Variants in USP28 observed in about 807,000 individuals in gnomAD.
The protein encoded by USP28 is ubiquitin carboxyl-terminal hydrolase 28.
In USP28, 113 loss-of-function variants were observed where a neutral mutation model predicts 145.0. The ratio of observed to expected loss-of-function variants is 0.78; its 90% CI spans 0.67 to 0.91. The LOEUF is 0.91. USP28 is among the 40% of genes least tolerant of loss of function. USP28 has a pLI of 0.00. For synonymous variants in USP28, 447 were observed against 450.9 expected (o/e 0.99, Z 0.11); for missense variants, 1,201 against 1,289.6 (o/e 0.93, Z 1.05).
At chr11:113,861,651 C>A (rs189897391) in intron 1 of USP28, among the ~76,000 whole-genome samples, 3 of 152,284 alleles carry the variant, frequency 2.0e-5, no homozygotes, top group East Asian at 3.9e-4. Flanking sequence ...TTCTTCCCGA[C>A]CTAGTTCTAT....
At chr11:113,807,316 C>T (rs996180034) in intron 18 of USP28, among the ~76,000 whole-genome samples, 2 of 152,112 alleles carry the variant, frequency 1.3e-5, no homozygotes, top group Non-Finnish European at 2.9e-5. Context: ...CGAGGTGATC[C>T]ACCCGCCTTG....
chr11:113,806,126 T>C (rs1328015174), intron 19 of USP28, among the ~76,000 whole-genome samples: 1 of 151,866 alleles, frequency 6.6e-6, no homozygotes, highest in Non-Finnish European at 1.5e-5. Flanking sequence ...TTAGTAGAGA[T>C]GGGGGTCTCA....
intron 15 of USP28, among the ~76,000 whole-genome samples, chr11:113,813,224 T>C (rs1277053538): frequency 6.6e-6 from 1 of 152,218 alleles, no homozygotes; most frequent in African/African-American, 2.4e-5. Context: ...GCGTTTTACA[T>C]GGTGCATTCC....
At chr11:113,871,051 C>G (rs1056281240) in intron 1 of USP28, among the ~76,000 whole-genome samples, 1 of 152,184 alleles carries the variant, frequency 6.6e-6, no homozygotes, top group African/African-American at 2.4e-5. Flanking sequence ...AAGGCAGAAA[C>G]TGATTGAATA....
At chr11:113,803,931 C>A in intron 21 of USP28, 54 bp from the exon 23 acceptor site, 1 of 1,480,216 alleles carries the variant, frequency 6.8e-7, no homozygotes, top group South Asian at 1.2e-5. Flanking sequence ...TTGTTAGTGT[C>A]CTTCCCATCT....
rs142463830 is a variant in USP28 at position 113,832,913 on chromosome 11, G to A, written c.759+507C>T. Reference sequence around the variant, plus strand: ...AACCTCCCAAGTAGCTGGGACTACAGGTGCGTACCACCATGCCCGGCTATT... The same window carrying A: ...AACCTCCCAAGTAGCTGGGACTACAAGTGCGTACCACCATGCCCGGCTATT... On this transcript the variant is annotated intron_variant, in intron 7 of 24. Coordinates refer to ENST00000003302, the Ensembl canonical transcript of USP28. 2.2e-3 allele frequency among the ~76,000 whole-genome samples: 333 copies of A among 152,268 alleles called. 2 individuals carry two copies. Among genetic ancestry groups the A allele is most frequent in the African/African-American group, 7.5e-3 (311 of 41,558 alleles).
At chr11:113,866,232 C>T (rs1280898861) in intron 1 of USP28, among the ~76,000 whole-genome samples, 1 of 152,054 alleles carries the variant, frequency 6.6e-6, no homozygotes, top group Non-Finnish European at 1.5e-5. Flanking sequence ...GCAGAGGTTG[C>T]AGTGAGCCGA....
chr11:113,864,683 A>G (rs1948089422), intron 1 of USP28, among the ~76,000 whole-genome samples: 1 of 152,198 alleles, frequency 6.6e-6, no homozygotes, highest in Non-Finnish European at 1.5e-5. Flanking sequence ...TCTTGATTGA[A>G]TGAGGCCCAC....
chr11:113,813,743 GAAC>G (rs1321150961), intron 15 of USP28, 139 bp downstream of exon 15: 1 of 711,870 alleles, frequency 1.4e-6, no homozygotes, highest in East Asian at 2.8e-5. Context: ...TAAAGAAACA[GAAC>G]AACATCAATT....
At chr11:113,814,250 G>A (rs759710789) in intron 14 of USP28, among the ~76,000 whole-genome samples, 2 of 152,158 alleles carry the variant, frequency 1.3e-5, no homozygotes, top group Non-Finnish European at 2.9e-5. Context: ...TAAAATGTAT[G>A]CCTCAGACAG....
intron 3 of USP28, among the ~76,000 whole-genome samples, chr11:113,849,592 C>T (rs1219424109): frequency 3.3e-5 from 5 of 152,040 alleles, no homozygotes; most frequent in South Asian, 2.1e-4. Context: ...ATTTGAAGGG[C>T]GCATTAAAGT....
chr11:113,833,159 C>T (rs931000320), intron 7 of USP28, among the ~76,000 whole-genome samples: 4 of 152,170 alleles, frequency 2.6e-5, no homozygotes, highest in Non-Finnish European at 5.9e-5. Flanking sequence ...TCAATAGCCC[C>T]GGTATAATTC....
At chr11:113,823,654 T>C in exon 12 of USP28, 1 of 1,612,914 alleles carries the variant, frequency 6.2e-7, no homozygotes, top group Non-Finnish European at 8.5e-7. Flanking sequence ...AACTTTCGAA[T>C]ACACTCTCTC....
chr11:113,798,102 ACATC>A (rs1051813724), exon 25 of USP28: 1 of 84,352 alleles, frequency 1.2e-5, no homozygotes, highest in African/African-American at 4.7e-5. Context: ...GTACAAACCC[ACATC>A]CCTTACTTTT....
At chr11:113,806,644 CTG>C (rs1243806238) in intron 18 of USP28, 60 bp from the exon 20 acceptor site, 12 of 1,264,550 alleles carry the variant, frequency 9.5e-6, no homozygotes, top group Non-Finnish European at 1.3e-5. Flanking sequence ...CAGCAGAAGA[CTG>C]TATGAAAGCA....
chr11:113,800,071 T>C (rs1329237214), intron 24 of USP28, among the ~76,000 whole-genome samples: 4 of 152,120 alleles, frequency 2.6e-5, no homozygotes, highest in African/African-American at 7.2e-5. Flanking sequence ...AGTGGCGCCA[T>C]CTTTGCTCAC....
At chr11:113,859,406 T>C (rs1277150257) in intron 1 of USP28, 1 of 152,166 alleles carries the variant, frequency 6.6e-6, no homozygotes, top group Non-Finnish European at 1.5e-5. Context: ...GCATGGACCC[T>C]GTGCAAGAAT....
In USP28 at chr11:113,852,522, C is replaced by A. The variant is rs149069839; in HGVS notation, c.247G>T (p.Ala83Ser). The A allele has an allele frequency of 1.6e-4, 266 of 1,614,162 alleles. 1 individual carries two copies. Among genetic ancestry groups the A allele is most frequent in the Non-Finnish European group, 1.8e-4 (214 of 1,180,030 alleles). The stretch of plus-strand genomic sequence containing the variant: ...CTACTTGCTAATACTTCCTTGTTGG[C>A]AGCACTCCCCTCTACTTCAGATGGT... The change falls in exon 3 of 25, where the codon GCC becomes TCC. Residue 83 changes from alanine (A) to serine (S), a missense_variant. Physicochemically the swap from Ala to Ser is moderately conservative, Grantham distance 99 (BLOSUM62 1). Coordinates refer to ENST00000003302, the Ensembl canonical transcript of USP28.
intron 1 of USP28, among the ~76,000 whole-genome samples, chr11:113,862,425 G>C (rs1439637610): frequency 2.6e-5 from 4 of 152,196 alleles, no homozygotes; most frequent in Admixed American, 6.5e-5. Context: ...GAAGAGTTTA[G>C]GTTTGATCTG....
Sources: gnomAD v4.1 joint callset for allele counts (sites outside exome capture counted in the v4.1 genomes callset) on GRCh38, gnomAD v4.1.1 for gene constraint, MANE v1.5 for transcripts, NCBI Gene and HGNC (gene_info 2026-07-23, HGNC 2026-07-21) for gene names.